TTC7B: variants seen among roughly 807,000 people sequenced by gnomAD.
TTC7B encodes tetratricopeptide repeat domain 7B.
TTC7B carries 28 observed loss-of-function variants against 106.8 expected under a neutral mutation model. The observed-to-expected ratio is 0.26, with a 90% CI of 0.19 to 0.36. The LOEUF (loss-of-function observed/expected upper bound fraction) is 0.36, where lower values mean the gene tolerates loss of function less well. Among genes scored for constraint, TTC7B ranks in the 10% least tolerant of loss-of-function variants. TTC7B has a pLI of 1.00. For missense variants in TTC7B, 862 were observed against 1,076.4 expected (o/e 0.80, Z 2.79); for synonymous variants, 405 against 430.6 (o/e 0.94, Z 0.74).
chr14:90,738,659 C>T (rs183109450), intron 4 of TTC7B, among the ~76,000 whole-genome samples: 1 of 151,394 alleles, frequency 6.6e-6, no homozygotes, highest in African/African-American at 2.4e-5. Flanking sequence ...GGACACAATA[C>T]AGAGTAACAA....
intron 5 of TTC7B, among the ~76,000 whole-genome samples, chr14:90,725,237 G>A (rs1889048392): frequency 6.6e-6 from 1 of 152,236 alleles, no homozygotes. Context: ...AGTTGCTCAA[G>A]CACCAAGAGA....
At chr14:90,636,055 A>G (rs1245301644) in intron 15 of TTC7B, among the ~76,000 whole-genome samples, 4 of 151,118 alleles carry the variant, frequency 2.6e-5, no homozygotes, top group African/African-American at 9.8e-5. Context: ...CAGGAGGCAG[A>G]GGTTGCAGTG....
chr14:90,592,562 A>G (rs935535301), intron 18 of TTC7B, among the ~76,000 whole-genome samples: 2 of 152,068 alleles, frequency 1.3e-5, no homozygotes, highest in African/African-American at 4.8e-5. Context: ...CACAAAAATT[A>G]GCTGGGCGTG....
rs182493266 is a variant in TTC7B, at chr14:90,593,844, G to T, written c.1967-218C>A. 413 of 423,866 alleles carry T rather than the reference G, an allele frequency of 9.7e-4. 2 individuals carry two copies. Among genetic ancestry groups the T allele is most frequent in the Non-Finnish European group, 1.2e-4 (29 of 241,502 alleles). The allele number at this position is 423,866 out of a possible 1,614,324, so 26.3% of individuals were successfully genotyped here. ...CTTTTTGTCAACAAACAGAGCACATGCCCCCTCCAGGAGCTCAGCCTAGCG... is the reference window on the plus strand; with the variant it reads ...CTTTTTGTCAACAAACAGAGCACATTCCCCCTCCAGGAGCTCAGCCTAGCG... On this transcript the variant is annotated intron_variant, in intron 17 of 19. Transcript: ENST00000328459.
rs147923742 is a variant in TTC7B at position 90,808,292 on chromosome 14, AAG to A, written c.121+7881_121+7882del. Among the ~76,000 whole-genome samples, 529 of 152,090 alleles carry A rather than the reference AAG, an allele frequency of 3.5e-3. 1 individual carries two copies. The highest frequency in any genetic ancestry group is 6.0e-3 in the Non-Finnish European group (411 of 67,960). ...GAAACCCGTCTCTACAGAAAAAATG[AAG>A]AGAGAGAGAGAGAAAGACAGAGAGA... On this transcript the variant is annotated intron_variant, in intron 1 of 19. Transcript: ENST00000328459. The surrounding 1 kb of genome is among the most constrained non-coding windows in gnomAD (Gnocchi z 4.2).
intron 7 of TTC7B, among the ~76,000 whole-genome samples, chr14:90,684,678 TAATTATTGTGACAG>T (rs1595279711): frequency 6.6e-6 from 1 of 152,306 alleles, no homozygotes. Flanking sequence ...GGGGCCAGAC[TAATTATTGTGACAG>T]AAGTCAGGAG....
chr14:90,549,619 G>A (rs1056014608), intron 19 of TTC7B, among the ~76,000 whole-genome samples: 1 of 152,184 alleles, frequency 6.6e-6, no homozygotes, highest in Non-Finnish European at 1.5e-5. Flanking sequence ...GCTGGCCACA[G>A]GGGAGGGGCA....
At chr14:90,682,126 A>T (rs970483239) in intron 7 of TTC7B, among the ~76,000 whole-genome samples, 3 of 149,650 alleles carry the variant, frequency 2.0e-5, no homozygotes, top group African/African-American at 4.9e-5. Flanking sequence ...AACATGAATC[A>T]TTTTTTTTTT....
rs865785091 is a variant in TTC7B, at chr14:90,533,851, T to C, written c.*7517A>G. The C allele has an allele frequency of 3.3e-5, 5 of 152,422 alleles. No homozygotes were observed. The highest frequency in any genetic ancestry group is 1.2e-4 in the African/African-American group (5 of 41,478). 9.4% of individuals were successfully genotyped at this position (152,422 alleles called of 1,614,324 possible). On this transcript the variant is annotated 3_prime_UTR_variant, in exon 20 of 20. Transcript: ENST00000328459. ...CCACCACCTTCCTGCCACCTCTCCA[T>C]AGTCAGCCCCACTCAGGGCTTGAGT... is the stretch of plus-strand genomic sequence containing the variant.
At chr14:90,695,905 A>G (rs1161919211) in intron 5 of TTC7B, among the ~76,000 whole-genome samples, 1 of 151,156 alleles carries the variant, frequency 6.6e-6, no homozygotes, top group South Asian at 2.1e-4. Context: ...ACTGAAATCT[A>G]TATTTTCATT....
At position 90,694,827 on chromosome 14, in the gene TTC7B, T is replaced by TATATATGTCACACATACA. The variant is rs1248331097; in HGVS notation, c.777+655_777+672dup. ...ATAAAACATGTATATTTTATATACA[T>TATATATGTCACACATACA]ATATATGTCACACATACAATATATG... On this transcript the variant is annotated intron_variant, in intron 6 of 19. Coordinates refer to ENST00000328459, the MANE Select transcript of TTC7B (RefSeq NM_001010854.2). 6.5e-5 allele frequency among the ~76,000 whole-genome samples: 9 copies of TATATATGTCACACATACA among 138,740 alleles called. No individual in the cohort carries two copies. In the East Asian group the frequency reaches 1.9e-3, roughly 29 times the overall value. The allele number at this position is 138,740 out of a possible 152,430, so 91.0% of individuals were successfully genotyped here.
At chr14:90,648,518 T>C (rs1400880594) in intron 13 of TTC7B, 2 of 152,064 alleles carry the variant, frequency 1.3e-5, no homozygotes, top group East Asian at 3.9e-4. Flanking sequence ...GCCCAGCTAA[T>C]TTATAGAATT....
chr14:90,593,709 G>A (rs908836949), intron 17 of TTC7B, 83 bp from the exon 18 acceptor site: 9 of 1,315,712 alleles, frequency 6.8e-6, no homozygotes, highest in African/African-American at 5.9e-5. Flanking sequence ...AGACAAGCGC[G>A]GAACACACAC....
chr14:90,561,760 G>A (rs1291068212), intron 19 of TTC7B, among the ~76,000 whole-genome samples: 1 of 152,202 alleles, frequency 6.6e-6, no homozygotes, highest in East Asian at 1.9e-4. Context: ...TGGCTTGGTG[G>A]ACATCATATA....
intron 8 of TTC7B, among the ~76,000 whole-genome samples, chr14:90,678,778 T>C (rs2139926501): frequency 6.6e-6 from 1 of 152,348 alleles, no homozygotes; most frequent in South Asian, 2.1e-4. Flanking sequence ...ACATCTCCAC[T>C]TAGTGCAAGC....
At position 90,742,402 on chromosome 14, in the gene TTC7B, T is replaced by C. The variant is rs1476878288; in HGVS notation, c.576+2390A>G. ...CTCACTCTGTTGACCAGGCTGATCT[T>C]AAACTTCTGGCCTCAGGTGATCCTC... On this transcript the variant is annotated intron_variant, in intron 4 of 19. Transcript: ENST00000328459. This position sits in a 1 kb window ranked among gnomAD's most constrained non-coding sequence, Gnocchi z 4.1. Among the ~76,000 whole-genome samples, 3 of 151,958 alleles carry C rather than the reference T, an allele frequency of 2.0e-5. No homozygotes were observed. Among genetic ancestry groups the C allele is most frequent in the Non-Finnish European group, 4.4e-5 (3 of 67,998 alleles).
Position 90,530,423 on chromosome 14 carries a change from C to CA in TTC7B, c.*10944dup, listed in dbSNP as rs1889256273. The CA allele has an allele frequency of 6.6e-6, 1 of 152,156 alleles. No homozygotes were observed. The highest frequency in any genetic ancestry group is 2.4e-5 in the African/African-American group (1 of 41,426). 9.4% of individuals were successfully genotyped at this position (152,156 alleles called of 1,614,324 possible). A position where few individuals can be genotyped will look rare whatever the true frequency, so the allele number is the denominator to read the frequency against. On this transcript the variant is annotated 3_prime_UTR_variant, in exon 20 of 20. Transcript: ENST00000328459. ...ACTATGGTAAGTGAAATGATGGTCC[C>CA]AAAAGATGCCTGCATCCTACTTTCT...
chr14:90,639,807 T>C (rs1484731490), intron 15 of TTC7B, among the ~76,000 whole-genome samples: 1 of 152,184 alleles, frequency 6.6e-6, no homozygotes, highest in Non-Finnish European at 1.5e-5. Flanking sequence ...GAAATCTTAG[T>C]GCATTTACAC....
At chr14:90,736,467 G>C (rs1025783683) in intron 4 of TTC7B, among the ~76,000 whole-genome samples, 1 of 152,044 alleles carries the variant, frequency 6.6e-6, no homozygotes, top group Non-Finnish European at 1.5e-5. Context: ...AGCTACTTAG[G>C]AGGCTAAGGC....
Sources: allele counts gnomAD v4.1 joint callset (sites outside exome capture counted in the v4.1 genomes callset), GRCh38; gene constraint gnomAD v4.1.1; non-coding constraint Gnocchi (gnomAD v3.1); transcripts MANE v1.5; gene names NCBI Gene and HGNC (gene_info 2026-07-23, HGNC 2026-07-21).